KIRREL3: variants seen among roughly 807,000 people sequenced by gnomAD.
KIRREL3 encodes the protein kin of IRRE-like protein 3.
KIRREL3 carries 36 observed loss-of-function variants against 89.7 expected under a neutral mutation model. The ratio of observed to expected loss-of-function variants is 0.40; its 90% confidence interval spans 0.31 to 0.53. The LOEUF (loss-of-function observed/expected upper bound fraction) is 0.53, where lower values mean the gene tolerates loss of function less well. Ranked by LOEUF, KIRREL3 falls within the 20% of genes least tolerant of loss-of-function variation. The pLI, the probability that KIRREL3 is intolerant of heterozygous loss-of-function variation, is 0.49. For missense variants in KIRREL3, 864 were observed against 1,056.6 expected, an observed-to-expected ratio of 0.82 and a Z score of 2.53; for synonymous variants, 445 against 441.4, an observed-to-expected ratio of 1.01 and a Z score of -0.10.
At chr11:126,952,712 T>C (rs1591375159) in intron 1 of KIRREL3, among the ~76,000 whole-genome samples, 1 of 152,206 alleles carries the variant, frequency 6.6e-6, no homozygotes, top group Non-Finnish European at 1.5e-5. Flanking sequence ...GGGTCTTACA[T>C]TTAAGTCTTT....
Position 126,475,129 on chromosome 11 carries a change from A to G in KIRREL3, c.434-1663T>C, listed in dbSNP as rs1957028996. On this transcript the variant is annotated intron_variant, in intron 4 of 16. Coordinates refer to ENST00000525144, the MANE Select transcript of KIRREL3 (RefSeq NM_032531.4). This position sits in a 1 kb window ranked among gnomAD's most constrained non-coding sequence, Gnocchi z 7.5. ...GTAGTTGGATAACGGGGGCGTGGGAACCTAGCACAAAGGGTCCTCTCTGCC... is the reference window on the plus strand; with the variant it reads ...GTAGTTGGATAACGGGGGCGTGGGAGCCTAGCACAAAGGGTCCTCTCTGCC... Among the ~76,000 whole-genome samples the G allele has an allele frequency of 6.6e-6, 1 of 152,144 alleles. No individual in the cohort carries two copies.
chr11:126,965,263 T>C lies in KIRREL3; in HGVS notation c.55+35192A>G, dbSNP rs1232459056. On this transcript the variant is annotated intron_variant, in intron 1 of 16. Coordinates refer to ENST00000525144, the MANE Select transcript of KIRREL3 (RefSeq NM_032531.4). This position sits in a 1 kb window ranked among gnomAD's most constrained non-coding sequence, Gnocchi z 4.4. ...TTTCATTTAGTTAATTTATATCCCA[T>C]TGTTCACAAATCTACTTAGGCTGTT... is the stretch of plus-strand genomic sequence containing the variant. 6.6e-6 allele frequency among the ~76,000 whole-genome samples: 1 copy of C among 152,228 alleles called. No homozygotes were observed. Among genetic ancestry groups the C allele is most frequent in the African/African-American group, 2.4e-5 (1 of 41,466 alleles).
rs1237784700 is a variant in KIRREL3 at position 126,608,570 on chromosome 11, C to T, written c.56-45658G>A. ...CTCCTCTCCCCTCCCCAAATGGCTC[C>T]CTTAATCACGAGCTGCTTTCTTCTG... On this transcript the variant is annotated intron_variant, in intron 1 of 16. Coordinates refer to ENST00000525144, the MANE Select transcript of KIRREL3 (RefSeq NM_032531.4). The surrounding 1 kb of genome is among the most constrained non-coding windows in gnomAD (Gnocchi z 4.9). Among the ~76,000 whole-genome samples, 2 of 152,000 alleles carry T rather than the reference C, an allele frequency of 1.3e-5. No individual in the cohort carries two copies. Among genetic ancestry groups the T allele is most frequent in the Admixed American group, 6.5e-5 (1 of 15,282 alleles).
Position 126,601,954 on chromosome 11 carries a change from G to T in KIRREL3, c.56-39042C>A, listed in dbSNP as rs551627486. ...AGATGAAACAAGGTCACCTGAGGCC[G>T]CCTCTTTGATTTGCCTGACAGAGTC... On this transcript the variant is annotated intron_variant, in intron 1 of 16. Coordinates refer to ENST00000525144, the MANE Select transcript of KIRREL3 (RefSeq NM_032531.4). The surrounding 1 kb of genome is among the most constrained non-coding windows in gnomAD (Gnocchi z 5.8). Among the ~76,000 whole-genome samples the T allele has an allele frequency of 2.0e-5, 3 of 152,156 alleles. No individual in the cohort carries two copies. The highest frequency in any genetic ancestry group is 4.4e-5 in the Non-Finnish European group (3 of 68,030).
At chr11:126,663,767 C>G (rs781347544) in intron 1 of KIRREL3, among the ~76,000 whole-genome samples, 6 of 152,230 alleles carry the variant, frequency 3.9e-5, no homozygotes, top group Non-Finnish European at 5.9e-5. Context: ...CAGATTTCAT[C>G]TGAGGGACAA....
In KIRREL3 at chr11:126,724,912, G is replaced by A. The variant is rs2134178637; in HGVS notation, c.56-162000C>T. Among the ~76,000 whole-genome samples the A allele has an allele frequency of 6.6e-6, 1 of 152,308 alleles. No individual in the cohort carries two copies. The highest frequency in any genetic ancestry group is 2.1e-4 in the South Asian group (1 of 4,824). ...GTCATTCACTTAATGAGTATTTATTGTACCTTGACTTTGTGTCAGGTAGTG... is the reference window on the plus strand; with the variant it reads ...GTCATTCACTTAATGAGTATTTATTATACCTTGACTTTGTGTCAGGTAGTG... On this transcript the variant is annotated intron_variant, in intron 1 of 16. Coordinates refer to ENST00000525144, the MANE Select transcript of KIRREL3 (RefSeq NM_032531.4). This position sits in a 1 kb window ranked among gnomAD's most constrained non-coding sequence, Gnocchi z 4.3.
intron 1 of KIRREL3, among the ~76,000 whole-genome samples, chr11:126,865,456 C>A (rs55736595): frequency 0.25 from 37,481 of 152,142 alleles, 4,669 homozygotes; most frequent in Admixed American, 0.31. Flanking sequence ...TATAAGTCAG[C>A]AGACTCGGGT....
chr11:126,945,410 G>A (rs1848451811), intron 1 of KIRREL3, among the ~76,000 whole-genome samples: 1 of 152,178 alleles, frequency 6.6e-6, no homozygotes, highest in South Asian at 2.1e-4. Flanking sequence ...CCTTCCAGCA[G>A]TTCACTCCTT....
In KIRREL3 at chr11:126,807,545, T is replaced by C. The variant is rs1951242055; in HGVS notation, c.55+192910A>G. On this transcript the variant is annotated intron_variant, in intron 1 of 16. Coordinates refer to ENST00000525144, the MANE Select transcript of KIRREL3 (RefSeq NM_032531.4). This position sits in a 1 kb window ranked among gnomAD's most constrained non-coding sequence, Gnocchi z 4.3. ...TCTCCCAGTGATATGTGCACCACGG[T>C]AGGGAACACAGGTTTCGTGCATTCA... Among the ~76,000 whole-genome samples the C allele has an allele frequency of 1.3e-5, 2 of 152,210 alleles. No homozygotes were observed. The highest frequency in any genetic ancestry group is 2.1e-4 in the South Asian group (1 of 4,830).
intron 1 of KIRREL3, among the ~76,000 whole-genome samples, chr11:126,941,493 C>G (rs947721610): frequency 1.3e-5 from 2 of 152,200 alleles, no homozygotes; most frequent in Admixed American, 1.3e-4. Flanking sequence ...TTTAAAATCA[C>G]TCACCAGGTG....
At chr11:126,621,190 GT>G (rs781464336) in intron 1 of KIRREL3, among the ~76,000 whole-genome samples, 3 of 152,214 alleles carry the variant, frequency 2.0e-5, no homozygotes, top group Non-Finnish European at 4.4e-5. Flanking sequence ...TAAATCAAGA[GT>G]TTAATCTTCA....
chr11:126,645,249 C>T lies in KIRREL3; in HGVS notation c.56-82337G>A, dbSNP rs1944621869. On this transcript the variant is annotated intron_variant, in intron 1 of 16. Coordinates refer to ENST00000525144, the MANE Select transcript of KIRREL3 (RefSeq NM_032531.4). This position sits in a 1 kb window ranked among gnomAD's most constrained non-coding sequence, Gnocchi z 4.9. Reference sequence around the variant, plus strand: ...AATGAAATATTCTCAACTTGAGTTCCCTGCGGTTGTGGTCATGGGCCAATT... The same window carrying T: ...AATGAAATATTCTCAACTTGAGTTCTCTGCGGTTGTGGTCATGGGCCAATT... Among the ~76,000 whole-genome samples the T allele has an allele frequency of 6.6e-6, 1 of 152,142 alleles. No individual in the cohort carries two copies.
chr11:126,517,127 A>AGAGG lies in KIRREL3; in HGVS notation c.433+4187_433+4188insCCTC, dbSNP rs1228014283. Among the ~76,000 whole-genome samples, 272 of 118,942 alleles carry AGAGG rather than the reference A, an allele frequency of 2.3e-3. 2 individuals carry two copies. The highest frequency in any genetic ancestry group is 8.9e-3 in the African/African-American group (255 of 28,636). The allele number at this position is 118,942 out of a possible 152,430, so 78.0% of individuals were successfully genotyped here. A position where few individuals can be genotyped will look rare whatever the true frequency, so the allele number is the denominator to read the frequency against. Reference sequence around the variant, plus strand: ...ACTTCACTGTTAGAGATTGAGAGAGAGAGAGAGAAAGAGAGAGAGAGAGAG... The same window carrying AGAGG: ...ACTTCACTGTTAGAGATTGAGAGAGAGAGGGAGAGAGAAAGAGAGAGAGAGAGAG... On this transcript the variant is annotated intron_variant, in intron 4 of 16. Transcript: ENST00000525144.
At chr11:126,902,884 C>T (rs1186212845) in intron 1 of KIRREL3, among the ~76,000 whole-genome samples, 3 of 152,170 alleles carry the variant, frequency 2.0e-5, no homozygotes, top group Non-Finnish European at 4.4e-5. Context: ...CCTCATCTCT[C>T]AGAAAGACTT....
chr11:126,818,078 C>G (rs1811770000), intron 1 of KIRREL3, among the ~76,000 whole-genome samples: 2 of 152,232 alleles, frequency 1.3e-5, no homozygotes, highest in Admixed American at 1.3e-4. Context: ...TAGCAGACAA[C>G]TGGCATGGTG....
chr11:126,953,185 G>A lies in KIRREL3; in HGVS notation c.55+47270C>T, dbSNP rs1030946854. Among the ~76,000 whole-genome samples, 1 of 152,180 alleles carries A rather than the reference G, an allele frequency of 6.6e-6. No homozygotes were observed. Among genetic ancestry groups the A allele is most frequent in the African/African-American group, 2.4e-5 (1 of 41,438 alleles). The stretch of plus-strand genomic sequence containing the variant: ...AGAATGAGTTCATGTCCTTTGCAGG[G>A]ATATGGATGAAACTGGAAACCATCA... On this transcript the variant is annotated intron_variant, in intron 1 of 16. Coordinates refer to ENST00000525144, the MANE Select transcript of KIRREL3 (RefSeq NM_032531.4). This position sits in a 1 kb window ranked among gnomAD's most constrained non-coding sequence, Gnocchi z 5.2.
rs1248978371 is a variant in KIRREL3 at position 126,462,297 on chromosome 11, GT to G, written c.742+859del. 6.6e-6 allele frequency among the ~76,000 whole-genome samples: 1 copy of G among 152,174 alleles called. No individual in the cohort carries two copies. The highest frequency in any genetic ancestry group is 1.5e-5 in the Non-Finnish European group (1 of 68,024). ...ATGCTACCTAAGTGGTCTTGGGCAA[GT>G]TAATCACCCTTTCGGTGCCTCAGTT... On this transcript the variant is annotated intron_variant, in intron 6 of 16. Transcript: ENST00000525144. This position sits in a 1 kb window ranked among gnomAD's most constrained non-coding sequence, Gnocchi z 4.8.
At position 126,969,010 on chromosome 11, in the gene KIRREL3, C is replaced by G. The variant is rs1208949601; in HGVS notation, c.55+31445G>C. Reference sequence around the variant, plus strand: ...ACATTTTTGAGTATCTCTGCAGATACGGGAAAACCCTGCCTCTCCTTGCAT... The same window carrying G: ...ACATTTTTGAGTATCTCTGCAGATAGGGGAAAACCCTGCCTCTCCTTGCAT... On this transcript the variant is annotated intron_variant, in intron 1 of 16. Transcript: ENST00000525144. This position sits in a 1 kb window ranked among gnomAD's most constrained non-coding sequence, Gnocchi z 4.9. 6.6e-6 allele frequency among the ~76,000 whole-genome samples: 1 copy of G among 152,136 alleles called. No individual in the cohort carries two copies. Among genetic ancestry groups the G allele is most frequent in the Non-Finnish European group, 1.5e-5 (1 of 68,022 alleles).
chr11:126,525,749 C>T lies in KIRREL3; in HGVS notation c.283+789G>A, dbSNP rs1037050233. On this transcript the variant is annotated intron_variant, in intron 3 of 16. Transcript: ENST00000525144. The surrounding 1 kb of genome is among the most constrained non-coding windows in gnomAD (Gnocchi z 5.4). ...GTACGCCAAGCCTAGCAAACAACCA[C>T]TGCCTACCTGTAGGACAGAATAATG... Among the ~76,000 whole-genome samples, 1 of 152,300 alleles carries T rather than the reference C, an allele frequency of 6.6e-6. No individual in the cohort carries two copies. The highest frequency in any genetic ancestry group is 1.9e-4 in the East Asian group (1 of 5,180).
Sources: allele counts gnomAD v4.1 joint callset (sites outside exome capture counted in the v4.1 genomes callset), GRCh38; gene constraint gnomAD v4.1.1; non-coding constraint Gnocchi (gnomAD v3.1); transcripts MANE v1.5; gene names NCBI Gene and HGNC (gene_info 2026-07-23, HGNC 2026-07-21).